The following EPHA5 variants were observed in gnomAD, a reference collection of about 807,000 sequenced individuals.
EPHA5 encodes the protein EPH receptor A5.
Under a neutral mutation model 105.0 loss-of-function variants are expected in EPHA5, and 60 were observed. The observed-to-expected ratio is 0.57, with a 90% CI of 0.46 to 0.71. EPHA5 has a LOEUF of 0.71. Among genes scored for constraint, EPHA5 ranks in the 30% least tolerant of loss-of-function variants. EPHA5 has a pLI of 0.00. For missense variants in EPHA5, 1,218 were observed against 1,274.7 expected (o/e 0.96, Z 0.68); for synonymous variants, 513 against 449.1 (o/e 1.14, Z -1.80).
At chr4:65,476,167 TGCA>T (rs1729798964) in intron 5 of EPHA5, among the ~76,000 whole-genome samples, 1 of 149,024 alleles carries the variant, frequency 6.7e-6, no homozygotes, top group Non-Finnish European at 1.5e-5. Flanking sequence ...TGTTAAAATA[TGCA>T]GATTATTGGC....
At chr4:65,563,685 A>C (rs1739250057) in intron 3 of EPHA5, among the ~76,000 whole-genome samples, 2 of 151,982 alleles carry the variant, frequency 1.3e-5, no homozygotes, top group African/African-American at 4.8e-5. Flanking sequence ...AAAATTAAAA[A>C]ACTCGAAGCA....
At chr4:65,412,197 C>G (rs868227300) in intron 7 of EPHA5, among the ~76,000 whole-genome samples, 2 of 152,132 alleles carry the variant, frequency 1.3e-5, no homozygotes, top group Non-Finnish European at 2.9e-5. Flanking sequence ...CATTGCACTC[C>G]AGTCTGGGCC....
At chr4:65,553,369 A>T (rs765389074) in intron 3 of EPHA5, among the ~76,000 whole-genome samples, 1 of 152,046 alleles carries the variant, frequency 6.6e-6, no homozygotes, top group Non-Finnish European at 1.5e-5. Flanking sequence ...TTGAAGGACA[A>T]CCTGGCTTAA....
At chr4:65,347,598 A>AT (rs1481931145) in intron 14 of EPHA5, among the ~76,000 whole-genome samples, 14 of 152,158 alleles carry the variant, frequency 9.2e-5, no homozygotes, top group Non-Finnish European at 5.9e-5. Flanking sequence ...CTCTTCTTAC[A>AT]TTTTTTAATT....
At chr4:65,331,661 C>T in intron 16 of EPHA5, 1 of 1,110,388 alleles carries the variant, frequency 9.0e-7, no homozygotes, top group African/African-American at 1.6e-5. Context: ...ACATAGATAC[C>T]AGTATAAAAA....
At chr4:65,366,785 A>T (rs1195442924) in intron 9 of EPHA5, among the ~76,000 whole-genome samples, 1 of 151,976 alleles carries the variant, frequency 6.6e-6, no homozygotes, top group South Asian at 2.1e-4. Flanking sequence ...ATCAATTCAC[A>T]TTGCACCATT....
intron 3 of EPHA5, among the ~76,000 whole-genome samples, chr4:65,533,135 A>C (rs750711530): frequency 5.9e-5 from 9 of 152,270 alleles, no homozygotes; most frequent in Admixed American, 1.3e-4. Flanking sequence ...TAAATACCAA[A>C]TCAATGCTGA....
In EPHA5 at chr4:65,555,466, T is replaced by C. The variant is rs972532414; in HGVS notation, c.910+46175A>G. On this transcript the variant is annotated intron_variant, in intron 3 of 16. Coordinates refer to ENST00000613740, the MANE Select transcript of EPHA5 (RefSeq NM_001281766.3). ...ATAGGTACTAAGCTTAATACCTGGATGATGAAATAAGCTGTACTGCAAACA... is the reference window on the plus strand; with the variant it reads ...ATAGGTACTAAGCTTAATACCTGGACGATGAAATAAGCTGTACTGCAAACA... 9.0e-4 allele frequency among the ~76,000 whole-genome samples: 136 copies of C among 151,838 alleles called. 1 individual carries two copies. The highest frequency in any genetic ancestry group is 3.2e-3 in the African/African-American group (134 of 41,358).
At chr4:65,360,504 A>AT in intron 11 of EPHA5, among the ~76,000 whole-genome samples, 1 of 151,790 alleles carries the variant, frequency 6.6e-6, no homozygotes, top group South Asian at 2.1e-4. Context: ...TGGATAAGGT[A>AT]TTTAACTTTT....
At chr4:65,665,128 G>T (rs1749857630) in intron 1 of EPHA5, among the ~76,000 whole-genome samples, 1 of 151,658 alleles carries the variant, frequency 6.6e-6, no homozygotes, top group Admixed American at 6.6e-5. Context: ...TTTGAAAAAA[G>T]AACATTAAAT....
chr4:65,495,849 G>A (rs1284418414), intron 3 of EPHA5, among the ~76,000 whole-genome samples: 1 of 152,084 alleles, frequency 6.6e-6, no homozygotes, highest in East Asian at 1.9e-4. Context: ...TAAAACTGAA[G>A]CAGTGCTTTG....
chr4:65,504,882 C>T (rs527472166), intron 3 of EPHA5, among the ~76,000 whole-genome samples: 58 of 152,060 alleles, frequency 3.8e-4, no homozygotes, highest in Non-Finnish European at 7.1e-4. Context: ...TCCCCTTGAT[C>T]ATTGATTCCT....
At chr4:65,530,993 T>A (rs1735714835) in intron 3 of EPHA5, among the ~76,000 whole-genome samples, 1 of 144,360 alleles carries the variant, frequency 6.9e-6, no homozygotes, top group Admixed American at 7.0e-5. Context: ...TTTAGCTGGA[T>A]GGATTTTTTT....
chr4:65,620,817 G>A (rs1425875889), intron 2 of EPHA5, among the ~76,000 whole-genome samples: 2 of 152,098 alleles, frequency 1.3e-5, no homozygotes, highest in Admixed American at 6.6e-5. Context: ...GAAAACATCC[G>A]GTAACTTAAA....
At chr4:65,589,881 T>A (rs924088081) in intron 3 of EPHA5, among the ~76,000 whole-genome samples, 1 of 152,208 alleles carries the variant, frequency 6.6e-6, no homozygotes, top group African/African-American at 2.4e-5. Context: ...TCACATCACA[T>A]GACTTTTCCA....
intron 8 of EPHA5, among the ~76,000 whole-genome samples, chr4:65,398,303 C>T (rs1391916823): frequency 6.6e-6 from 1 of 152,164 alleles, no homozygotes; most frequent in Admixed American, 6.5e-5. Context: ...CAGCAGTCCC[C>T]TGTCACCTTG....
intron 5 of EPHA5, among the ~76,000 whole-genome samples, chr4:65,430,946 T>C (rs1249366757): frequency 6.6e-6 from 1 of 152,146 alleles, no homozygotes; most frequent in African/African-American, 2.4e-5. Context: ...CAACTTTTTA[T>C]TGCACATTCT....
intron 3 of EPHA5, among the ~76,000 whole-genome samples, chr4:65,579,247 G>A (rs187172473): frequency 1.2e-4 from 18 of 150,818 alleles, no homozygotes; most frequent in Admixed American, 9.3e-4. Flanking sequence ...TATTAGTTAT[G>A]TTATCAGTGT....
At chr4:65,515,340 T>G (rs1161161957) in intron 3 of EPHA5, among the ~76,000 whole-genome samples, 1 of 152,188 alleles carries the variant, frequency 6.6e-6, no homozygotes, top group Non-Finnish European at 1.5e-5. Flanking sequence ...CATTTGCATT[T>G]CCATTTGAAT....
Sources: gnomAD v4.1 joint callset for allele counts (sites outside exome capture counted in the v4.1 genomes callset) on GRCh38, gnomAD v4.1.1 for gene constraint, MANE v1.5 for transcripts, NCBI Gene and HGNC (gene_info 2026-07-23, HGNC 2026-07-21) for gene names.